CALM2: variants seen among roughly 807,000 people sequenced by gnomAD.
The protein encoded by CALM2 is calmodulin-2.
In CALM2, 2 loss-of-function variants were observed where a neutral mutation model predicts 19.8. That is an observed-to-expected ratio of 0.10 (90% CI 0.04 to 0.32). The LOEUF is 0.32. CALM2 is among the 10% of genes least tolerant of loss of function. CALM2 has a pLI of 1.00. For synonymous variants in CALM2, 51 were observed against 52.1 expected, an observed-to-expected ratio of 0.98 and a Z score of 0.09; for missense variants, 38 against 178.7, an observed-to-expected ratio of 0.21 and a Z score of 4.49.
intron 2 of CALM2, chr2:47,163,523 C>A (rs1666325787): frequency 6.6e-6 from 1 of 151,944 alleles, no homozygotes; most frequent in Admixed American, 6.6e-5. Flanking sequence ...ACCTCCTCCT[C>A]CCAGGATCAA....
chr2:47,174,905 GTTTTAT>G (rs772867428), intron 1 of CALM2, among the ~76,000 whole-genome samples: 24 of 152,204 alleles, frequency 1.6e-4, no homozygotes, highest in Non-Finnish European at 2.8e-4. Flanking sequence ...ATGAACGCTA[GTTTTAT>G]TTAAGGTGAA....
chr2:47,169,556 AAC>A (rs1666602000), intron 2 of CALM2, among the ~76,000 whole-genome samples: 1 of 152,214 alleles, frequency 6.6e-6, no homozygotes, highest in Non-Finnish European at 1.5e-5. Context: ...TTTTGTTCAT[AAC>A]AGTCAATACA....
intron 3 of CALM2, 53 bp from the exon 4 acceptor site, chr2:47,162,445 C>T: frequency 6.2e-7 from 1 of 1,607,848 alleles, no homozygotes; most frequent in Non-Finnish European, 8.5e-7. Flanking sequence ...TATAAGCAAA[C>T]AGCAAAGGTT....
intron 5 of CALM2, 61 bp downstream of exon 5, chr2:47,161,662 C>T (rs1232416914): frequency 3.3e-6 from 5 of 1,516,432 alleles, no homozygotes; most frequent in African/African-American, 2.8e-5. Context: ...AGTTCCCTAA[C>T]AAAGAGCCTC....
chr2:47,176,421 C>T lies in CALM2; in HGVS notation c.3+20G>A, dbSNP rs1312760543. 6 of 1,612,850 alleles carry T rather than the reference C, an allele frequency of 3.7e-6. No individual in the cohort carries two copies. Among genetic ancestry groups the T allele is most frequent in the Admixed American group, 1.7e-5 (1 of 60,008 alleles). ...CTTCCCCCCACAGGCCCAGCGCCGG[C>T]AGCTCAGCGATGCACTCACCATGCT... On this transcript the variant is annotated intron_variant, in intron 1 of 5. Transcript: ENST00000272298.
Position 47,162,648 on chromosome 2 carries a change from A to AAT in CALM2, c.48_49insAT (p.Phe17IlefsTer13). ...TCACCATCTTTGTCAAATAGTGAAA[A>AAT]AGCTTCTTTGAATTCTGTTTGAAAG... On this transcript the variant is annotated frameshift_variant, in exon 3 of 6. Transcript: ENST00000272298. LOFTEE classifies it high-confidence loss of function. 6.2e-7 allele frequency: 1 copy of AAT among 1,601,028 alleles called. No individual in the cohort carries two copies. The highest frequency in any genetic ancestry group is 8.5e-7 in the Non-Finnish European group (1 of 1,174,246).
At chr2:47,163,034 C>T (rs899209096) in intron 2 of CALM2, 1 of 166,742 alleles carries the variant, frequency 6.0e-6, no homozygotes, top group Non-Finnish European at 1.3e-5. Flanking sequence ...ATGACTGGCT[C>T]CTCTGTCACT....
rs1024594334 is a variant in CALM2 at position 47,160,824 on chromosome 2, C to T, written c.422-20G>A. 1.6e-6 allele frequency: 1 copy of T among 632,966 alleles called. No homozygotes were observed. Among genetic ancestry groups the T allele is most frequent in the Non-Finnish European group, 2.1e-6 (1 of 471,234 alleles). 39.2% of individuals were successfully genotyped at this position (632,966 alleles called of 1,614,324 possible). ...CAAACTCTGAAAAAGAAGAAGTACA[C>T]AAAAAATGAGTCAATAGCAAAAGAC... is the stretch of plus-strand genomic sequence containing the variant. On this transcript the variant is annotated intron_variant, in intron 5 of 5. Transcript: ENST00000272298.
chr2:47,162,170 T>TAAAAAAAA (rs1687176716), intron 4 of CALM2, 116 bp downstream of exon 4: 1 of 154,468 alleles, frequency 6.5e-6, no homozygotes, highest in Admixed American at 1.8e-4. Flanking sequence ...TGGTAAATCA[T>TAAAAAAAA]CAAAAAAAAA....
chr2:47,175,566 C>G (rs1490339398), intron 1 of CALM2, among the ~76,000 whole-genome samples: 1 of 152,174 alleles, frequency 6.6e-6, no homozygotes, highest in African/African-American at 2.4e-5. Context: ...ACGACAGACA[C>G]TTTAAAAAGC....
upstream of CALM2, chr2:47,176,585 G>A (rs555673655): frequency 4.5e-6 from 7 of 1,545,424 alleles, no homozygotes; most frequent in East Asian, 4.9e-5. Flanking sequence ...TCCAGATAAC[G>A]GAACATCGCA....
At chr2:47,169,061 A>C (rs1301711978) in intron 2 of CALM2, among the ~76,000 whole-genome samples, 2 of 152,078 alleles carry the variant, frequency 1.3e-5, no homozygotes, top group East Asian at 3.9e-4. Context: ...GGCGTGAGCC[A>C]CTGCGCCCGG....
At chr2:47,176,014 C>A (rs1666854471) in intron 1 of CALM2, among the ~76,000 whole-genome samples, 1 of 152,256 alleles carries the variant, frequency 6.6e-6, no homozygotes, top group East Asian at 1.9e-4. Context: ...AAAGGCGCTT[C>A]CTGGCGCCCG....
upstream of CALM2, chr2:47,176,890 G>T (rs772406770): frequency 1.2e-5 from 12 of 985,254 alleles, no homozygotes; most frequent in East Asian, 9.1e-4. Flanking sequence ...GCCGGGACGC[G>T]GTGCGGCTTC....
At chr2:47,172,329 T>G (rs1666697805) in intron 1 of CALM2, 3 of 435,976 alleles carry the variant, frequency 6.9e-6, no homozygotes, top group Admixed American at 5.5e-5. Context: ...ATCCCAGCCC[T>G]GCCATTTAAT....
Position 47,160,580 on chromosome 2 carries a change from A to C in CALM2, c.*196T>G. Reference sequence around the variant, plus strand: ...TAAGCCACATGCAACATGTTACTTGATCAATTTTCTAAAATAAGGTTTTAG... The same window carrying C: ...TAAGCCACATGCAACATGTTACTTGCTCAATTTTCTAAAATAAGGTTTTAG... On this transcript the variant is annotated 3_prime_UTR_variant, in exon 6 of 6. Coordinates refer to ENST00000272298, the MANE Select transcript of CALM2 (RefSeq NM_001743.6). 2.2e-6 allele frequency: 1 copy of C among 460,734 alleles called. No homozygotes were observed. The allele number at this position is 460,734 out of a possible 1,614,324, so 28.5% of individuals were successfully genotyped here.
intron 1 of CALM2, among the ~76,000 whole-genome samples, chr2:47,175,097 T>TTTTTTTTC (rs751897252): frequency 3.2e-5 from 4 of 126,654 alleles, no homozygotes; most frequent in African/African-American, 1.6e-4. Flanking sequence ...TTTTTTTTTT[T>TTTTTTTTC]TCAGGAAAGA....
chr2:47,176,820 G>C (rs1266879569), upstream of CALM2: 1 of 985,316 alleles, frequency 1.0e-6, no homozygotes, highest in Non-Finnish European at 1.2e-6. Context: ...GTTGGTCGTT[G>C]AGCCTGCCTC....
chr2:47,170,938 G>T lies in CALM2; in HGVS notation c.4-174C>A, dbSNP rs74899175. On this transcript the variant is annotated intron_variant, in intron 1 of 5. Coordinates refer to ENST00000272298, the MANE Select transcript of CALM2 (RefSeq NM_001743.6). Reference sequence around the variant, plus strand: ...TAGTTTCTCTTATCTTCAAAGCTAAGCTGTCTTAACTCCAAGTTTAAGATA... The same window carrying T: ...TAGTTTCTCTTATCTTCAAAGCTAATCTGTCTTAACTCCAAGTTTAAGATA... 51 of 620,992 alleles carry T rather than the reference G, an allele frequency of 8.2e-5. No homozygotes were observed. The East Asian group carries it at 1.4e-3, about 17-fold the overall frequency. The allele number at this position is 620,992 out of a possible 1,614,324, so 38.5% of individuals were successfully genotyped here.
Sources: gnomAD v4.1 joint callset for allele counts (sites outside exome capture counted in the v4.1 genomes callset) on GRCh38, gnomAD v4.1.1 for gene constraint, MANE v1.5 for transcripts, NCBI Gene and HGNC (gene_info 2026-07-23, HGNC 2026-07-21) for gene names.